Variants in NPDC1 observed in about 807,000 individuals in gnomAD.
NPDC1 encodes the protein neural proliferation differentiation and control protein 1.
Under a neutral mutation model 32.5 loss-of-function variants are expected in NPDC1, and 18 were observed. The observed-to-expected ratio is 0.55, with a 90% CI of 0.38 to 0.82. The LOEUF (loss-of-function observed/expected upper bound fraction) is 0.82, where lower values mean the gene tolerates loss of function less well. Among genes scored for constraint, NPDC1 ranks in the 40% least tolerant of loss-of-function variants. NPDC1 has a pLI of 0.00. For missense variants in NPDC1, 468 were observed against 406.6 expected, an observed-to-expected ratio of 1.15 and a Z score of -1.30; for synonymous variants, 210 against 184.7, an observed-to-expected ratio of 1.14 and a Z score of -1.11.
At chr9:137,041,353 G>A (rs937883260) in intron 2 of NPDC1, among the ~76,000 whole-genome samples, 166 bp from the exon 3 acceptor site, 22 of 152,212 alleles carry the variant, frequency 1.4e-4, no homozygotes, top group African/African-American at 4.6e-4. Context: ...GGCGCTTCCT[G>A]TGAGGGGCAG....
chr9:137,040,690 C>A lies in NPDC1; in HGVS notation c.604G>T (p.Ala202Ser), dbSNP rs1163031905. The change falls in exon 5 of 9, where the codon GCC (alanine) becomes TCC (serine). Residue 202 changes from alanine to serine, a missense_variant. Coordinates refer to ENST00000371601, the MANE Select transcript of NPDC1 (RefSeq NM_015392.4). ...GCTCACCTGCACCAGCAGAGGGAGG[C>A]TACGGAGAGGGCGGCTGCACCGGCC... ...CVAGAAALSV[A>S]SLCWCRLQRE... is the part of the protein sequence containing the mutation. The A allele has an allele frequency of 6.3e-7, 1 of 1,584,300 alleles. No individual in the cohort carries two copies. Among genetic ancestry groups the A allele is most frequent in the Non-Finnish European group, 8.5e-7 (1 of 1,170,636 alleles).
intron 7 of NPDC1, 86 bp downstream of exon 7, chr9:137,040,271 A>G: frequency 5.1e-6 from 5 of 980,738 alleles, no homozygotes; most frequent in South Asian, 1.8e-5. Context: ...CCTGGGGTAA[A>G]GTTGGCCAGG....
Position 137,040,847 on chromosome 9 carries a change from G to T in NPDC1, c.523C>A (p.Pro175Thr). The T allele has an allele frequency of 5.0e-6, 8 of 1,597,350 alleles. No homozygotes were observed. The highest frequency in any genetic ancestry group is 6.0e-6 in the Non-Finnish European group (7 of 1,175,612). ...SDPVHMSPLE[P>T]RGGQGDGLAL... Reference sequence around the variant, plus strand: ...AGGCCGTCGCCTTGCCCTCCCCGGGGCTCCAGGGGCGACATGTGCACCGGG... The same window carrying T: ...AGGCCGTCGCCTTGCCCTCCCCGGGTCTCCAGGGGCGACATGTGCACCGGG... Residue 175 changes from proline to threonine, a missense_variant, in exon 4 of 9, where the codon CCC becomes ACC. By Grantham distance (38) the Pro-to-Thr change is conservative. Transcript: ENST00000371601.
intron 1 of NPDC1, 53 bp downstream of exon 1, chr9:137,045,825 G>C: frequency 1.0e-6 from 1 of 982,728 alleles, no homozygotes; most frequent in Non-Finnish European, 1.2e-6. Context: ...GTCCCCGCCC[G>C]GCGATCCCGG....
chr9:137,039,983 C>A lies in NPDC1; in HGVS notation c.873G>T (p.Pro291=). The change falls in exon 8 of 9, where the codon CCG becomes CCT. Residue 291 remains proline (P), a synonymous_variant. Transcript: ENST00000371601. The part of the protein sequence containing the change: ...EDGDFTVYEC[P]GLAPTGEMEV... ...CTGAGGCACTCACCGGGGCCAGGCC[C>A]GGGCACTCGTACACCGTGAAGTCTC... 1.3e-6 allele frequency: 1 copy of A among 779,052 alleles called. No individual in the cohort carries two copies. Among genetic ancestry groups the A allele is most frequent in the Non-Finnish European group, 2.4e-6 (1 of 417,948 alleles). 48.3% of individuals were successfully genotyped at this position (779,052 alleles called of 1,614,324 possible). A position where few individuals can be genotyped will look rare whatever the true frequency, so the allele number is the denominator to read the frequency against.
At position 137,041,089 on chromosome 9, in the gene NPDC1, TG is replaced by T; in HGVS notation, c.357del (p.Lys120ArgfsTer68). On this transcript the variant is annotated frameshift_variant, in exon 3 of 9. Coordinates refer to ENST00000371601, the MANE Select transcript of NPDC1 (RefSeq NM_015392.4). LOFTEE classifies it high-confidence loss of function. ...KESGHSTPPLPKDRQRLPEPA... is the reference protein window; with the variant it reads ...KESGHSTPPLXKDRQRLPEPA... ...GGCTCCGGGAGCCGCTGTCGGTCCT[TG>T]GGTAGGGGCGGAGTTGAGTGTCCAG... is the stretch of plus-strand genomic sequence containing the variant. 1 of 1,529,314 alleles carries T rather than the reference TG, an allele frequency of 6.5e-7. No homozygotes were observed. The allele number at this position is 1,529,314 out of a possible 1,614,324, so 94.7% of individuals were successfully genotyped here.
At chr9:137,044,804 C>A (rs765821181) in intron 1 of NPDC1, among the ~76,000 whole-genome samples, 1 of 152,244 alleles carries the variant, frequency 6.6e-6, no homozygotes, top group African/African-American at 2.4e-5. Flanking sequence ...AGGTGGCCTC[C>A]GCCTTTCCTG....
chr9:137,041,328 C>T (rs1832048868), intron 2 of NPDC1, 141 bp from the exon 3 acceptor site: 1 of 990,910 alleles, frequency 1.0e-6, no homozygotes, highest in South Asian at 4.2e-5. Flanking sequence ...CCCAGATTGC[C>T]ATGGTGACAG....
In NPDC1 at chr9:137,040,844, G is replaced by T. The variant is rs368227296; in HGVS notation, c.526C>A (p.Arg176=). The part of the protein sequence containing the change: ...DPVHMSPLEP[R]GGQGDGLALV... The stretch of plus-strand genomic sequence containing the variant: ...GCGAGGCCGTCGCCTTGCCCTCCCC[G>T]GGGCTCCAGGGGCGACATGTGCACC... Residue 176 remains arginine, a synonymous_variant, in exon 4 of 9, where the codon CGG becomes AGG. Transcript: ENST00000371601. The T allele has an allele frequency of 6.3e-7, 1 of 1,596,384 alleles. No homozygotes were observed. Among genetic ancestry groups the T allele is most frequent in the Non-Finnish European group, 8.5e-7 (1 of 1,175,224 alleles).
chr9:137,045,469 G>GC (rs974947837), intron 1 of NPDC1, among the ~76,000 whole-genome samples: 1 of 152,232 alleles, frequency 6.6e-6, no homozygotes, highest in Admixed American at 6.5e-5. Flanking sequence ...CGGCAGCGAA[G>GC]CCGGCGGGCA....
In NPDC1 at chr9:137,043,140, C is replaced by T. The variant is rs768473199; in HGVS notation, c.113-67G>A. On this transcript the variant is annotated intron_variant, in intron 1 of 8. Transcript: ENST00000371601. ...AGGGCTCGGCCCCTGCACACGGCAG[C>T]GCTGCCCCAGCCACCCGCCCCCGTC... 1.2e-5 allele frequency: 19 copies of T among 1,556,418 alleles called. No homozygotes were observed. The East Asian group carries it at 1.7e-4, about 14-fold the overall frequency.
chr9:137,045,978 C>T lies in NPDC1; in HGVS notation c.12G>A (p.Pro4=), dbSNP rs1832124450. 1.8e-5 allele frequency: 22 copies of T among 1,191,880 alleles called. No individual in the cohort carries two copies. Among genetic ancestry groups the T allele is most frequent in the Non-Finnish European group, 2.3e-5 (22 of 962,150 alleles). The allele number at this position is 1,191,880 out of a possible 1,614,324, so 73.8% of individuals were successfully genotyped here. Residue 4 remains proline, a synonymous_variant, in exon 1 of 9, where the codon CCG becomes CCA. Coordinates refer to ENST00000371601, the MANE Select transcript of NPDC1 (RefSeq NM_015392.4). The part of the protein sequence containing the change: MAT[P]LPPPSPRHLR... ...GGTGCCGCGGGGAGGGCGGAGGCAG[C>T]GGCGTCGCCATCCTTCAGCGCCGCC...
rs760510861 is a variant in NPDC1 at position 137,041,095 on chromosome 9, G to A, written c.352C>T (p.Leu118=). 2.0e-6 allele frequency: 3 copies of A among 1,529,380 alleles called. No individual in the cohort carries two copies. Among genetic ancestry groups the A allele is most frequent in the Non-Finnish European group, 2.6e-6 (3 of 1,140,990 alleles). 94.7% of individuals were successfully genotyped at this position (1,529,380 alleles called of 1,614,324 possible). A position where few individuals can be genotyped will look rare whatever the true frequency, so the allele number is the denominator to read the frequency against. The change falls in exon 3 of 9, where the codon CTA becomes TTA. Residue 118 remains leucine, a synonymous_variant. Transcript: ENST00000371601. Reference sequence around the variant, plus strand: ...GGGAGCCGCTGTCGGTCCTTGGGTAGGGGCGGAGTTGAGTGTCCAGACTCC... The same window carrying A: ...GGGAGCCGCTGTCGGTCCTTGGGTAAGGGCGGAGTTGAGTGTCCAGACTCC... ...RKESGHSTPP[L]PKDRQRLPEP... is the part of the protein sequence containing the mutation.
chr9:137,040,320 G>C (rs1348352403), intron 7 of NPDC1, 37 bp downstream of exon 7: 1 of 1,353,488 alleles, frequency 7.4e-7, no homozygotes, highest in Admixed American at 2.2e-5. Flanking sequence ...ATGGGGGGTG[G>C]GTGGGTGGGG....
chr9:137,040,843 C>T lies in NPDC1; in HGVS notation c.527G>A (p.Arg176Gln), dbSNP rs566074540. Residue 176 changes from arginine (R) to glutamine (Q), a missense_variant, in exon 4 of 9, where the codon CGG (arginine) becomes CAG (glutamine). Arg to Gln is a conservative substitution (Grantham distance 43). Coordinates refer to ENST00000371601, the MANE Select transcript of NPDC1 (RefSeq NM_015392.4). ...GGCGAGGCCGTCGCCTTGCCCTCCC[C>T]GGGGCTCCAGGGGCGACATGTGCAC... ...DPVHMSPLEP[R>Q]GGQGDGLALV... 60 of 1,596,672 alleles carry T rather than the reference C, an allele frequency of 3.8e-5. No individual in the cohort carries two copies. The highest frequency in any genetic ancestry group is 4.6e-5 in the Non-Finnish European group (54 of 1,175,324).
chr9:137,044,702 C>T (rs1320566614), intron 1 of NPDC1, among the ~76,000 whole-genome samples: 1 of 152,246 alleles, frequency 6.6e-6, no homozygotes, highest in Non-Finnish European at 1.5e-5. Context: ...CCCGGTGAGG[C>T]AGACACGAAG....
chr9:137,040,993 G>C lies in NPDC1; in HGVS notation c.386-9C>G, dbSNP rs751231762. 2.6e-6 allele frequency: 4 copies of C among 1,531,888 alleles called. No individual in the cohort carries two copies. In the East Asian group the frequency reaches 6.8e-5, roughly 26 times the overall value. 94.9% of individuals were successfully genotyped at this position (1,531,888 alleles called of 1,614,324 possible). A position where few individuals can be genotyped will look rare whatever the true frequency, so the allele number is the denominator to read the frequency against. On this transcript the variant is annotated splice_polypyrimidine_tract_variant and intron_variant, in intron 3 of 8. Transcript: ENST00000371601. ...CGAGAAGCCCAGGGTGGCTGCGAGA[G>C]AGGACAGGTTAGAATGAGAGCACTG...
rs1330862164 is a variant in NPDC1 at position 137,041,147 on chromosome 9, GTCAATC to G, written c.294_299del (p.Glu98_Ile99del). The G allele has an allele frequency of 6.7e-7, 1 of 1,494,076 alleles. No individual in the cohort carries two copies. The highest frequency in any genetic ancestry group is 8.9e-7 in the Non-Finnish European group (1 of 1,122,832). The allele number at this position is 1,494,076 out of a possible 1,614,324, so 92.6% of individuals were successfully genotyped here. A position where few individuals can be genotyped will look rare whatever the true frequency, so the allele number is the denominator to read the frequency against. ...TCCGGGCAAGCTCCTGGGCCAGGAA[GTCAATC>G]TCATCTTCCAGTCTGGGCTGGGGCC... On this transcript the variant is annotated inframe_deletion, in exon 3 of 9. Transcript: ENST00000371601.
chr9:137,043,126 C>G, intron 1 of NPDC1, 53 bp from the exon 2 acceptor site: 1 of 1,591,850 alleles, frequency 6.3e-7, no homozygotes, highest in Non-Finnish European at 8.6e-7. Context: ...GGGCTCGGCC[C>G]CTGCACACGG....
Sources: gnomAD v4.1 joint callset for allele counts (sites outside exome capture counted in the v4.1 genomes callset) on GRCh38, gnomAD v4.1.1 for gene constraint, MANE v1.5 for transcripts, NCBI Gene and HGNC (gene_info 2026-07-23, HGNC 2026-07-21) for gene names.